The following PLCE1 variants were observed in gnomAD, a reference collection of about 807,000 sequenced individuals.
PLCE1 encodes the protein 1-phosphatidylinositol 4,5-bisphosphate phosphodiesterase epsilon-1.
Under a neutral mutation model 242.8 loss-of-function variants are expected in PLCE1, and 119 were observed. That is an observed-to-expected ratio of 0.49 (90% CI 0.42 to 0.57). The LOEUF (loss-of-function observed/expected upper bound fraction) is 0.57, where lower values mean the gene tolerates loss of function less well. Among genes scored for constraint, PLCE1 ranks in the 20% least tolerant of loss-of-function variants. The pLI is 0.00. For synonymous variants in PLCE1, 945 were observed against 1,017.4 expected (o/e 0.93, Z 1.35); for missense variants, 2,441 against 2,788.8 (o/e 0.88, Z 2.81).
intron 1 of PLCE1, among the ~76,000 whole-genome samples, chr10:94,017,960 A>G (rs2061310410): frequency 1.3e-5 from 2 of 152,184 alleles, no homozygotes; most frequent in South Asian, 2.1e-4. Context: ...GAAAGACTGT[A>G]ATGTAAGAAT....
chr10:94,266,006 TTATG>T (rs1347516066), intron 16 of PLCE1, 48 bp downstream of exon 16: 1 of 1,583,878 alleles, frequency 6.3e-7, no homozygotes, highest in Non-Finnish European at 8.7e-7. Context: ...ACCTAATTAT[TTATG>T]TAACCCCCAA....
At chr10:94,167,079 C>T (rs997799367) in intron 3 of PLCE1, among the ~76,000 whole-genome samples, 1 of 152,196 alleles carries the variant, frequency 6.6e-6, no homozygotes, top group African/African-American at 2.4e-5. Context: ...CACCTGAGGG[C>T]AGGAGTTCAA....
chr10:94,304,461 T>C (rs965497211), intron 24 of PLCE1, 21 bp from the exon 25 acceptor site: 2 of 1,610,744 alleles, frequency 1.2e-6, no homozygotes, highest in South Asian at 2.2e-5. Context: ...ATATTGGCTT[T>C]CTTTGTTGTT....
chr10:94,214,071 C>G (rs778405301), intron 4 of PLCE1, among the ~76,000 whole-genome samples: 1 of 152,162 alleles, frequency 6.6e-6, no homozygotes, highest in African/African-American at 2.4e-5. Flanking sequence ...AGAAATGAAC[C>G]TACATTCCTT....
intron 3 of PLCE1, among the ~76,000 whole-genome samples, chr10:94,145,739 A>G (rs1341995213): frequency 6.6e-6 from 1 of 151,912 alleles, no homozygotes; most frequent in Non-Finnish European, 1.5e-5. Context: ...TCCTGCAGGC[A>G]TCTCCATTTT....
chr10:94,062,006 T>C (rs1423459180), intron 2 of PLCE1, among the ~76,000 whole-genome samples: 1 of 152,232 alleles, frequency 6.6e-6, no homozygotes, highest in Non-Finnish European at 1.5e-5. Context: ...AGTTTCCAAA[T>C]CTTTAAAATG....
chr10:94,041,131 T>C (rs565635816), intron 2 of PLCE1, among the ~76,000 whole-genome samples: 1 of 152,274 alleles, frequency 6.6e-6, no homozygotes, highest in South Asian at 2.1e-4. Context: ...TCACTTTCTC[T>C]TGGTGGTCTT....
intron 2 of PLCE1, among the ~76,000 whole-genome samples, chr10:94,127,092 G>A (rs1475482930): frequency 6.6e-6 from 1 of 152,194 alleles, no homozygotes; most frequent in Admixed American, 6.5e-5. Flanking sequence ...CAACTTTATA[G>A]ATTAGTGTGT....
intron 2 of PLCE1, among the ~76,000 whole-genome samples, chr10:94,128,322 A>G (rs891112053): frequency 3.9e-5 from 6 of 152,174 alleles, no homozygotes; most frequent in African/African-American, 1.4e-4. Context: ...GAACATTGCC[A>G]TATCTACCAC....
chr10:94,127,217 A>G (rs2046460222), intron 2 of PLCE1, among the ~76,000 whole-genome samples: 1 of 152,228 alleles, frequency 6.6e-6, no homozygotes, highest in Non-Finnish European at 1.5e-5. Flanking sequence ...ACTTTTCACA[A>G]CAATCATTTA....
At chr10:94,091,800 GC>G (rs2135377709) in intron 2 of PLCE1, among the ~76,000 whole-genome samples, 1 of 152,160 alleles carries the variant, frequency 6.6e-6, no homozygotes, top group East Asian at 1.9e-4. Context: ...GGGGTTATGG[GC>G]CACCTGACAA....
At chr10:94,121,469 T>G (rs1055850346) in intron 2 of PLCE1, among the ~76,000 whole-genome samples, 6 of 152,094 alleles carry the variant, frequency 3.9e-5, no homozygotes, top group African/African-American at 1.2e-4. Context: ...TTACCTGAGG[T>G]CCTCAGGCCA....
chr10:94,146,882 G>A (rs58885594), intron 3 of PLCE1, among the ~76,000 whole-genome samples: 60 of 152,248 alleles, frequency 3.9e-4, no homozygotes, highest in African/African-American at 1.4e-3. Context: ...AGTAAAGCCC[G>A]TTAGACCTTT....
At chr10:94,283,486 T>G (rs969264254) in intron 20 of PLCE1, 2 of 344,230 alleles carry the variant, frequency 5.8e-6, no homozygotes, top group African/African-American at 4.3e-5. Flanking sequence ...GTTCCAATCA[T>G]CTGTATGAAA....
intron 32 of PLCE1, 29 bp from the exon 33 acceptor site, chr10:94,327,939 C>CTAAT (rs759751018): frequency 5.7e-6 from 3 of 527,342 alleles, no homozygotes; most frequent in Non-Finnish European, 7.8e-6. Context: ...TTTCAGTATA[C>CTAAT]TAATAAGCCT....
intron 4 of PLCE1, among the ~76,000 whole-genome samples, chr10:94,181,294 C>T (rs1006756680): frequency 2.0e-5 from 3 of 152,090 alleles, no homozygotes; most frequent in South Asian, 2.1e-4. Context: ...CTCCATGGGC[C>T]GGGTGCGGTG....
rs143515526 is a variant in PLCE1 at position 93,997,968 on chromosome 10, G to A, written c.-365+3710G>A. Among the ~76,000 whole-genome samples the A allele has an allele frequency of 9.8e-5, 15 of 152,328 alleles. No homozygotes were observed. In the East Asian group the frequency reaches 2.9e-3, roughly 29 times the overall value. ...GTTATGGGGTGGAGGGTGGCCGGTG[G>A]TTTGGTCCTAGTATAGATCAACTGT... On this transcript the variant is annotated intron_variant, in intron 1 of 32. Coordinates refer to ENST00000371380, the MANE Select transcript of PLCE1 (RefSeq NM_016341.4).
At chr10:94,301,367 T>A (rs562679512) in intron 24 of PLCE1, among the ~76,000 whole-genome samples, 3 of 151,454 alleles carry the variant, frequency 2.0e-5, no homozygotes, top group South Asian at 4.2e-4. Flanking sequence ...AAAAGAAAAT[T>A]ATATATATAG....
intron 2 of PLCE1, among the ~76,000 whole-genome samples, chr10:94,062,691 T>A (rs2044092749): frequency 6.6e-6 from 1 of 151,702 alleles, no homozygotes; most frequent in South Asian, 2.1e-4. Context: ...TGGGGGCTTA[T>A]CTCCACCTTC....
Sources: gnomAD v4.1 joint callset for allele counts (sites outside exome capture counted in the v4.1 genomes callset) on GRCh38, gnomAD v4.1.1 for gene constraint, MANE v1.5 for transcripts, NCBI Gene and HGNC (gene_info 2026-07-23, HGNC 2026-07-21) for gene names.